Variants in DCUN1D2 observed in about 807,000 individuals in gnomAD.
The protein encoded by DCUN1D2 is defective in cullin neddylation 1 domain containing 2.
A neutral mutation model predicts 30.9 loss-of-function variants in DCUN1D2; 29 were observed. The observed-to-expected ratio is 0.94, with a 90% confidence interval of 0.70 to 1.28. The LOEUF is 1.28. Ranked by LOEUF, DCUN1D2 falls within the 50% of genes most tolerant of loss-of-function variation. The probability of loss-of-function intolerance (pLI) is 0.00; values close to 1 mark genes in which losing one functional copy is unlikely to be tolerated. For synonymous variants in DCUN1D2, 121 were observed against 115.3 expected, an observed-to-expected ratio of 1.05 and a Z score of -0.32; for missense variants, 325 against 316.9, an observed-to-expected ratio of 1.03 and a Z score of -0.19.
At chr13:113,464,860 C>T (rs1036687567) in intron 4 of DCUN1D2, among the ~76,000 whole-genome samples, 2 of 152,256 alleles carry the variant, frequency 1.3e-5, no homozygotes, top group Non-Finnish European at 2.9e-5. Flanking sequence ...CTAACCCAGG[C>T]AGCCGGCCTG....
intron 4 of DCUN1D2, among the ~76,000 whole-genome samples, chr13:113,470,831 C>A (rs1462754151): frequency 6.6e-6 from 1 of 150,996 alleles, no homozygotes; most frequent in Non-Finnish European, 1.5e-5. Context: ...CCCAACTCCA[C>A]AGAAGACCCA....
intron 3 of DCUN1D2, among the ~76,000 whole-genome samples, chr13:113,479,578 T>C (rs1195659980): frequency 6.6e-6 from 1 of 152,096 alleles, no homozygotes; most frequent in Non-Finnish European, 1.5e-5. Flanking sequence ...CTGGCCAATA[T>C]GGTGAAATCC....
chr13:113,458,613 T>C (rs1213853953), intron 6 of DCUN1D2, among the ~76,000 whole-genome samples: 1 of 152,236 alleles, frequency 6.6e-6, no homozygotes, highest in Non-Finnish European at 1.5e-5. Context: ...AGTGATCCCT[T>C]CTTTCATTTG....
In DCUN1D2 at chr13:113,487,479, C is replaced by T. The variant is rs377610343; in HGVS notation, c.3+3188G>A. On this transcript the variant is annotated intron_variant, in intron 1 of 6. Transcript: ENST00000478244. ...ACAAGAAGCCACACAGTGTATGATTCCATCCACACAGCGCACGACTCCAGC... is the reference window on the plus strand; with the variant it reads ...ACAAGAAGCCACACAGTGTATGATTTCATCCACACAGCGCACGACTCCAGC... Among the ~76,000 whole-genome samples, 6 of 152,312 alleles carry T rather than the reference C, an allele frequency of 3.9e-5. No individual in the cohort carries two copies. The East Asian group carries it at 1.2e-3, about 29-fold the overall frequency.
chr13:113,490,695 C>T lies in DCUN1D2; in HGVS notation c.-26G>A. On this transcript the variant is annotated 5_prime_UTR_variant, in exon 1 of 7. Coordinates refer to ENST00000478244, the MANE Select transcript of DCUN1D2 (RefSeq NM_001014283.2). This position sits in a 1 kb window ranked among gnomAD's most constrained non-coding sequence, Gnocchi z 5.2. ...CTCCCCCGCGCCGCCCGCTTCTGGC[C>T]GGCCCCGGCCTTCTGCGCAGGCGCG... The T allele has an allele frequency of 8.2e-7, 1 of 1,220,426 alleles. No individual in the cohort carries two copies. Among genetic ancestry groups the T allele is most frequent in the Non-Finnish European group, 1.0e-6 (1 of 979,458 alleles). The allele number at this position is 1,220,426 out of a possible 1,614,324, so 75.6% of individuals were successfully genotyped here. A position where few individuals can be genotyped will look rare whatever the true frequency, so the allele number is the denominator to read the frequency against.
intron 4 of DCUN1D2, among the ~76,000 whole-genome samples, chr13:113,473,725 C>T (rs1004795179): frequency 1.3e-5 from 2 of 152,178 alleles, no homozygotes; most frequent in African/African-American, 2.4e-5. Flanking sequence ...ACAGCTGGGC[C>T]GGCCGCAGTG....
chr13:113,490,682 G>T lies in DCUN1D2; in HGVS notation c.-13C>A. 1 of 1,240,668 alleles carries T rather than the reference G, an allele frequency of 8.1e-7. No homozygotes were observed. Among genetic ancestry groups the T allele is most frequent in the Non-Finnish European group, 1.0e-6 (1 of 990,514 alleles). The allele number at this position is 1,240,668 out of a possible 1,614,324, so 76.9% of individuals were successfully genotyped here. On this transcript the variant is annotated 5_prime_UTR_variant, in exon 1 of 7. Transcript: ENST00000478244. This position sits in a 1 kb window ranked among gnomAD's most constrained non-coding sequence, Gnocchi z 5.2. ...GGCCACCTACCATCTCCCCCGCGCC[G>T]CCCGCTTCTGGCCGGCCCCGGCCTT...
chr13:113,474,205 C>G lies in DCUN1D2; in HGVS notation c.439G>C (p.Glu147Gln), dbSNP rs373874285. 6.2e-7 allele frequency: 1 copy of G among 1,614,038 alleles called. No homozygotes were observed. The highest frequency in any genetic ancestry group is 1.7e-5 in the Admixed American group (1 of 60,006). The change falls in exon 4 of 7, where the codon GAG becomes CAG. Residue 147 changes from glutamate (E) to glutamine (Q), a missense_variant. Glu to Gln is a conservative substitution (Grantham distance 29). Coordinates refer to ENST00000478244, the MANE Select transcript of DCUN1D2 (RefSeq NM_001014283.2). ...TTAAACTTGGCTGTGTCCTTCAGCT[C>G]CTGCTCCAGTCTTGGCAGAAGAGCC... The part of the protein sequence containing the change: ...LKALLPRLEQ[E>Q]LKDTAKFKDF...
intron 1 of DCUN1D2, among the ~76,000 whole-genome samples, chr13:113,487,308 C>A: frequency 6.6e-6 from 1 of 152,290 alleles, no homozygotes; most frequent in South Asian, 2.1e-4. Context: ...AAGTGGTCAT[C>A]GTTGCTAGAT....
chr13:113,467,528 C>G (rs1404381180), intron 4 of DCUN1D2, among the ~76,000 whole-genome samples: 1 of 151,664 alleles, frequency 6.6e-6, no homozygotes, highest in Non-Finnish European at 1.5e-5. Flanking sequence ...TTTTTAGTCC[C>G]CAAAGTAAAA....
chr13:113,483,697 A>AGCTGAGC, intron 2 of DCUN1D2, 143 bp downstream of exon 2: 1 of 719,486 alleles, frequency 1.4e-6, no homozygotes, highest in Non-Finnish European at 2.3e-6. Context: ...TGGATTCTGC[A>AGCTGAGC]GCTGAGCGCC....
chr13:113,460,997 A>G, intron 5 of DCUN1D2, 57 bp downstream of exon 5: 1 of 1,145,362 alleles, frequency 8.7e-7, no homozygotes, highest in South Asian at 1.3e-5. Flanking sequence ...ATGCAGCCTC[A>G]TACCTACCGA....
chr13:113,468,588 C>A (rs544673779), intron 4 of DCUN1D2, among the ~76,000 whole-genome samples: 1 of 152,120 alleles, frequency 6.6e-6, no homozygotes, highest in African/African-American at 2.4e-5. Context: ...CTGGTTTAAA[C>A]GCGAGACGTG....
At chr13:113,490,988 G>A, upstream of DCUN1D2, 1 of 181,136 alleles carries the variant, frequency 5.5e-6, no homozygotes. The surrounding 1 kb of genome is among the most constrained non-coding windows in gnomAD (Gnocchi z 5.2). Context: ...CCCACGCCCC[G>A]CCTCTTAAAG....
chr13:113,472,796 G>C (rs1453244577), intron 4 of DCUN1D2, among the ~76,000 whole-genome samples: 1 of 152,250 alleles, frequency 6.6e-6, no homozygotes, highest in Non-Finnish European at 1.5e-5. Context: ...AGACGCAGCA[G>C]ACACCGCTAC....
Position 113,488,451 on chromosome 13 carries a change from A to G in DCUN1D2, c.3+2216T>C, listed in dbSNP as rs946770198. Among the ~76,000 whole-genome samples, 12 of 152,264 alleles carry G rather than the reference A, an allele frequency of 7.9e-5. No individual in the cohort carries two copies. Among genetic ancestry groups the G allele is most frequent in the African/African-American group, 2.7e-4 (11 of 41,472 alleles). On this transcript the variant is annotated intron_variant, in intron 1 of 6. Coordinates refer to ENST00000478244, the MANE Select transcript of DCUN1D2 (RefSeq NM_001014283.2). This position sits in a 1 kb window ranked among gnomAD's most constrained non-coding sequence, Gnocchi z 4.3. ...GCTAAGTCTAAAGACTAGGTGCTTC[A>G]TGTCCAAAAGTGACTGAGAGACCCA...
intron 1 of DCUN1D2, among the ~76,000 whole-genome samples, chr13:113,487,184 C>T (rs1245644476): frequency 6.6e-6 from 1 of 152,098 alleles, no homozygotes; most frequent in Non-Finnish European, 1.5e-5. Context: ...TGACAGCCTT[C>T]CCAAGGGAGG....
chr13:113,476,188 A>C (rs2044614803), intron 3 of DCUN1D2: 2 of 152,222 alleles, frequency 1.3e-5, no homozygotes, highest in Admixed American at 1.3e-4. Flanking sequence ...ACACTTCTGC[A>C]CACAGATCAC....
chr13:113,459,233 A>T, intron 6 of DCUN1D2, 79 bp downstream of exon 6: 5 of 786,580 alleles, frequency 6.4e-6, no homozygotes, highest in Non-Finnish European at 1.1e-5. Flanking sequence ...TGACGGGGTC[A>T]CCACTCTAGA....
Sources: gnomAD v4.1 joint callset for allele counts (sites outside exome capture counted in the v4.1 genomes callset) on GRCh38, gnomAD v4.1.1 for gene constraint, Gnocchi (gnomAD v3.1) non-coding constraint, MANE v1.5 for transcripts, NCBI Gene and HGNC (gene_info 2026-07-23, HGNC 2026-07-21) for gene names.